DPYSL2: variants seen among roughly 807,000 people sequenced by gnomAD.
DPYSL2 encodes the protein dihydropyrimidinase like 2.
Under a neutral mutation model 69.9 loss-of-function variants are expected in DPYSL2, and 13 were observed. The ratio of observed to expected loss-of-function variants is 0.19; its 90% confidence interval spans 0.12 to 0.30. DPYSL2 has a LOEUF of 0.30. Ranked by LOEUF, DPYSL2 falls within the 10% of genes least tolerant of loss-of-function variation. The pLI is 1.00. For missense variants in DPYSL2, 587 were observed against 918.9 expected (o/e 0.64, Z 4.67); for synonymous variants, 326 against 359.1 (o/e 0.91, Z 1.04).
In DPYSL2 at chr8:26,652,053, G is replaced by A. The variant is rs1030002970; in HGVS notation, c.1597-204G>A. On this transcript the variant is annotated intron_variant, in intron 11 of 13. Transcript: ENST00000521913. The surrounding 1 kb of genome is among the most constrained non-coding windows in gnomAD (Gnocchi z 6.3). ...TTTAATTATTTTTCTTTCTAATGTG[G>A]AGAGGTAGAAAAAGTTATTTCATAT... is the stretch of plus-strand genomic sequence containing the variant. Among the ~76,000 whole-genome samples, 4 of 152,150 alleles carry A rather than the reference G, an allele frequency of 2.6e-5. No individual in the cohort carries two copies. Among genetic ancestry groups the A allele is most frequent in the Admixed American group, 1.3e-4 (2 of 15,274 alleles).
rs1412393053 is a variant in DPYSL2 at position 26,565,779 on chromosome 8, G to A, written c.355-16190G>A. Among the ~76,000 whole-genome samples, 5 of 152,116 alleles carry A rather than the reference G, an allele frequency of 3.3e-5. No individual in the cohort carries two copies. Among genetic ancestry groups the A allele is most frequent in the Non-Finnish European group, 5.9e-5 (4 of 68,006 alleles). On this transcript the variant is annotated intron_variant, in intron 1 of 13. Coordinates refer to ENST00000521913, the MANE Select transcript of DPYSL2 (RefSeq NM_001197293.3). The surrounding 1 kb of genome is among the most constrained non-coding windows in gnomAD (Gnocchi z 4.1). Reference sequence around the variant, plus strand: ...GGGCAGAGAAAGGTACAGGGTCCCCGCTCCATGCAATTAACTGGAAAGTCA... The same window carrying A: ...GGGCAGAGAAAGGTACAGGGTCCCCACTCCATGCAATTAACTGGAAAGTCA...
intron 1 of DPYSL2, among the ~76,000 whole-genome samples, chr8:26,529,035 T>A (rs924730711): frequency 6.6e-6 from 1 of 152,116 alleles, no homozygotes; most frequent in Non-Finnish European, 1.5e-5. Flanking sequence ...ATGAAAGACA[T>A]GCCTGCAGGA....
rs1344017607 is a variant in DPYSL2 at position 26,617,133 on chromosome 8, G to A, written c.629-7010G>A. ...AGCCCTTTAAAAACTCATGATATTG[G>A]GTTCTCTATCAGTGTCGCTCCCTGG... is the stretch of plus-strand genomic sequence containing the variant. On this transcript the variant is annotated intron_variant, in intron 3 of 13. Coordinates refer to ENST00000521913, the MANE Select transcript of DPYSL2 (RefSeq NM_001197293.3). The surrounding 1 kb of genome is among the most constrained non-coding windows in gnomAD (Gnocchi z 4.7). Among the ~76,000 whole-genome samples the A allele has an allele frequency of 1.3e-5, 2 of 152,098 alleles. No individual in the cohort carries two copies. The highest frequency in any genetic ancestry group is 2.9e-5 in the Non-Finnish European group (2 of 68,024).
rs189907744 is a variant in DPYSL2 at position 26,589,232 on chromosome 8, C to T, written c.628+5249C>T. Among the ~76,000 whole-genome samples, 65 of 152,334 alleles carry T rather than the reference C, an allele frequency of 4.3e-4. No individual in the cohort carries two copies. In the East Asian group the frequency reaches 7.3e-3, roughly 17 times the overall value. Reference sequence around the variant, plus strand: ...CTAGAAGCTTCATCACCCTTGGTGGCCCAGCCTGGGTGCTTCCCATTCACT... The same window carrying T: ...CTAGAAGCTTCATCACCCTTGGTGGTCCAGCCTGGGTGCTTCCCATTCACT... On this transcript the variant is annotated intron_variant, in intron 3 of 13. Transcript: ENST00000521913.
chr8:26,576,878 G>A (rs1801356885), intron 1 of DPYSL2, among the ~76,000 whole-genome samples: 1 of 152,216 alleles, frequency 6.6e-6, no homozygotes, highest in Non-Finnish European at 1.5e-5. Flanking sequence ...GATCGCAGCA[G>A]CTGCCCCCGA....
chr8:26,594,151 A>G (rs563666035), intron 3 of DPYSL2, among the ~76,000 whole-genome samples: 90 of 152,344 alleles, frequency 5.9e-4, no homozygotes, highest in African/African-American at 2.0e-3. Flanking sequence ...ATGTGTTTCT[A>G]GATGGCTATT....
rs540010002 is a variant in DPYSL2, at chr8:26,597,992, A to G, written c.628+14009A>G. On this transcript the variant is annotated intron_variant, in intron 3 of 13. Coordinates refer to ENST00000521913, the MANE Select transcript of DPYSL2 (RefSeq NM_001197293.3). This position sits in a 1 kb window ranked among gnomAD's most constrained non-coding sequence, Gnocchi z 5.2. ...CGTGCCAGGGTCGACTCTGCTGCTT[A>G]TTAGCTCAGGCTCGGTGCCCCACGG... 3.3e-5 allele frequency among the ~76,000 whole-genome samples: 5 copies of G among 152,236 alleles called. No individual in the cohort carries two copies. In the East Asian group the frequency reaches 9.6e-4, roughly 29 times the overall value.
At position 26,579,965 on chromosome 8, in the gene DPYSL2, C is replaced by A. The variant is rs964655089; in HGVS notation, c.355-2004C>A. Among the ~76,000 whole-genome samples the A allele has an allele frequency of 5.8e-4, 54 of 92,396 alleles. 1 individual carries two copies. Among genetic ancestry groups the A allele is most frequent in the Middle Eastern group, 0.011 (2 of 182 alleles). 60.6% of individuals were successfully genotyped at this position (92,396 alleles called of 152,430 possible). On this transcript the variant is annotated intron_variant, in intron 1 of 13. Coordinates refer to ENST00000521913, the MANE Select transcript of DPYSL2 (RefSeq NM_001197293.3). ...TTTTTTTAAAGAGCGCCCCCCCCCC[C>A]ACACCCTTTAAAAAATCTGGTTGCA...
chr8:26,598,300 C>T lies in DPYSL2; in HGVS notation c.628+14317C>T, dbSNP rs184137244. The stretch of plus-strand genomic sequence containing the variant: ...ACCTTTTCTTGTGTTCTTCTGTCGT[C>T]GAGAATCAATTAAAATGGTCAGCAT... On this transcript the variant is annotated intron_variant, in intron 3 of 13. Transcript: ENST00000521913. This position sits in a 1 kb window ranked among gnomAD's most constrained non-coding sequence, Gnocchi z 4.2. 1.9e-4 allele frequency among the ~76,000 whole-genome samples: 29 copies of T among 152,286 alleles called. No individual in the cohort carries two copies. In the East Asian group the frequency reaches 2.9e-3, roughly 15 times the overall value.
At chr8:26,567,256 A>G (rs1801166336) in intron 1 of DPYSL2, among the ~76,000 whole-genome samples, 2 of 123,950 alleles carry the variant, frequency 1.6e-5, no homozygotes. Context: ...CTATCCATCC[A>G]CCACCCATTC....
At chr8:26,623,761 CGGG>C (rs1364801269) in intron 3 of DPYSL2, 2 of 184,252 alleles carry the variant, frequency 1.1e-5, no homozygotes, top group African/African-American at 4.8e-5. Flanking sequence ...TGCCGTCTGG[CGGG>C]GGGCGTCTCA....
chr8:26,544,956 T>C (rs1800741815), intron 1 of DPYSL2, among the ~76,000 whole-genome samples: 1 of 152,090 alleles, frequency 6.6e-6, no homozygotes, highest in Admixed American at 6.6e-5. Context: ...TACAGGAAAA[T>C]ATAACAATAT....
At chr8:26,589,418 G>A (rs1265177949) in intron 3 of DPYSL2, among the ~76,000 whole-genome samples, 4 of 152,206 alleles carry the variant, frequency 2.6e-5, no homozygotes, top group Non-Finnish European at 5.9e-5. Context: ...ACTCCTCAGA[G>A]GCACTCTGTT....
At chr8:26,578,093 C>G in intron 1 of DPYSL2, 1 of 1,502,576 alleles carries the variant, frequency 6.7e-7, no homozygotes, top group Admixed American at 2.5e-5. Flanking sequence ...TCATCCGTTA[C>G]GTTCTTGAAA....
chr8:26,611,758 C>T (rs1382188203), intron 3 of DPYSL2, among the ~76,000 whole-genome samples: 1 of 152,326 alleles, frequency 6.6e-6, no homozygotes, highest in Non-Finnish European at 1.5e-5. Flanking sequence ...TCCTGCTTTA[C>T]GGATGGCATT....
In DPYSL2 at chr8:26,641,980, T is replaced by A. The variant is rs1803060800; in HGVS notation, c.1127-1459T>A. On this transcript the variant is annotated intron_variant, in intron 8 of 13. Coordinates refer to ENST00000521913, the MANE Select transcript of DPYSL2 (RefSeq NM_001197293.3). The surrounding 1 kb of genome is among the most constrained non-coding windows in gnomAD (Gnocchi z 4.1). ...GCTGTGGAGAGGAAGGAAAACACAT[T>A]CCTGACTGTGGTGTGTTTGCCCTTG... Among the ~76,000 whole-genome samples, 1 of 152,148 alleles carries A rather than the reference T, an allele frequency of 6.6e-6. No individual in the cohort carries two copies. The highest frequency in any genetic ancestry group is 6.5e-5 in the Admixed American group (1 of 15,278).
chr8:26,572,487 A>G (rs899406059), intron 1 of DPYSL2, among the ~76,000 whole-genome samples: 1 of 152,168 alleles, frequency 6.6e-6, no homozygotes, highest in Non-Finnish European at 1.5e-5. Flanking sequence ...TGTAAGGATA[A>G]GGAATGAGTA....
rs1808246533 is a variant in DPYSL2, at chr8:26,514,740, C to T, written c.354+61C>T. The T allele has an allele frequency of 7.6e-7, 1 of 1,319,908 alleles. No individual in the cohort carries two copies. Among genetic ancestry groups the T allele is most frequent in the Non-Finnish European group, 9.8e-7 (1 of 1,023,100 alleles). 81.8% of individuals were successfully genotyped at this position (1,319,908 alleles called of 1,614,324 possible). On this transcript the variant is annotated intron_variant, in intron 1 of 13. Transcript: ENST00000521913. This position sits in a 1 kb window ranked among gnomAD's most constrained non-coding sequence, Gnocchi z 8.4. ...GGGCGCGGGGATCGCCCCTCCCTCG[C>T]CCCTGAGCCCGGCGCGCCCGCCTTC... is the stretch of plus-strand genomic sequence containing the variant.
intron 8 of DPYSL2, among the ~76,000 whole-genome samples, chr8:26,638,446 CAA>C (rs1195050100): frequency 3.3e-5 from 5 of 152,184 alleles, no homozygotes; most frequent in Non-Finnish European, 7.3e-5. Flanking sequence ...GAATCTAAGA[CAA>C]GAGAAGTTCG....
Sources: allele counts gnomAD v4.1 joint callset (sites outside exome capture counted in the v4.1 genomes callset), GRCh38; gene constraint gnomAD v4.1.1; non-coding constraint Gnocchi (gnomAD v3.1); transcripts MANE v1.5; gene names NCBI Gene and HGNC (gene_info 2026-07-23, HGNC 2026-07-21).